The following KAZN variants were observed in gnomAD, a reference collection of about 807,000 sequenced individuals.
KAZN encodes kazrin.
Under a neutral mutation model 87.4 loss-of-function variants are expected in KAZN, and 40 were observed. The ratio of observed to expected loss-of-function variants is 0.46; its 90% CI spans 0.36 to 0.60. The LOEUF (loss-of-function observed/expected upper bound fraction) is 0.60, where lower values mean the gene tolerates loss of function less well. Among genes scored for constraint, KAZN ranks in the 20% least tolerant of loss-of-function variants. The pLI is 0.00. For synonymous variants in KAZN, 466 were observed against 458.3 expected (o/e 1.02, Z -0.22); for missense variants, 898 against 1,073.9 (o/e 0.84, Z 2.29).
intron 2 of KAZN, among the ~76,000 whole-genome samples, chr1:15,033,627 T>C (rs1671957690): frequency 6.6e-6 from 1 of 152,236 alleles, no homozygotes; most frequent in Non-Finnish European, 1.5e-5. Flanking sequence ...TGTGAAGTGG[T>C]ATTTCATTGT....
intron 2 of KAZN, among the ~76,000 whole-genome samples, chr1:14,512,963 G>A (rs566143261): frequency 2.6e-5 from 4 of 152,300 alleles, no homozygotes; most frequent in Non-Finnish European, 4.4e-5. Context: ...AGTTTAGAGT[G>A]CATTCCCTTA....
intron 1 of KAZN, among the ~76,000 whole-genome samples, chr1:14,108,997 G>A (rs1644440260): frequency 6.6e-6 from 1 of 152,220 alleles, no homozygotes; most frequent in East Asian, 1.9e-4. Context: ...GACTCAGAAT[G>A]CACAGGCTGA....
chr1:14,661,126 A>T (rs962752838), intron 1 of KAZN, among the ~76,000 whole-genome samples: 2 of 152,112 alleles, frequency 1.3e-5, no homozygotes, highest in Non-Finnish European at 2.9e-5. Flanking sequence ...TGTGAGGGAG[A>T]TGGTGCTCTT....
At position 15,066,206 on chromosome 1, in the gene KAZN, T is replaced by C. The variant is rs1348117658; in HGVS notation, c.1222+453T>C. 3 of 993,746 alleles carry C rather than the reference T, an allele frequency of 3.0e-6. No homozygotes were observed. The highest frequency in any genetic ancestry group is 3.6e-6 in the Non-Finnish European group (3 of 835,766). The allele number at this position is 993,746 out of a possible 1,614,324, so 61.6% of individuals were successfully genotyped here. ...CCTCCTTTTTATGAAACTTGAAAACTTGAAGGACTGCTGTGTATTTGTAAA... is the reference window on the plus strand; with the variant it reads ...CCTCCTTTTTATGAAACTTGAAAACCTGAAGGACTGCTGTGTATTTGTAAA... On this transcript the variant is annotated intron_variant, in intron 8 of 14. Transcript: ENST00000376030. The surrounding 1 kb of genome is among the most constrained non-coding windows in gnomAD (Gnocchi z 4.3).
chr1:14,163,035 C>A (rs1645744804), intron 1 of KAZN, among the ~76,000 whole-genome samples: 1 of 151,870 alleles, frequency 6.6e-6, no homozygotes, highest in African/African-American at 2.4e-5. Flanking sequence ...TTATTAGTAG[C>A]AAGAAGAAAC....
chr1:14,985,290 G>A (rs979059803), intron 2 of KAZN, among the ~76,000 whole-genome samples: 1 of 143,006 alleles, frequency 7.0e-6, no homozygotes, highest in South Asian at 2.1e-4. Context: ...GCCAAGGTGG[G>A]AGGCCAAGGT....
chr1:14,083,224 C>T (rs1389346646), intron 1 of KAZN, among the ~76,000 whole-genome samples: 1 of 152,214 alleles, frequency 6.6e-6, no homozygotes, highest in Non-Finnish European at 1.5e-5. Flanking sequence ...CTTGATTGTT[C>T]TGTACATAGA....
chr1:14,375,401 C>T (rs897093190), intron 2 of KAZN, among the ~76,000 whole-genome samples: 1 of 152,038 alleles, frequency 6.6e-6, no homozygotes, highest in Non-Finnish European at 1.5e-5. Flanking sequence ...TCACCCAAGC[C>T]CGAGATAAAA....
chr1:14,590,623 C>A (rs1226973991), intron 2 of KAZN, among the ~76,000 whole-genome samples: 1 of 152,140 alleles, frequency 6.6e-6, no homozygotes, highest in Non-Finnish European at 1.5e-5. Flanking sequence ...AATGGTTGAG[C>A]AAACTGGCAG....
At chr1:14,295,509 C>T (rs373116018) in intron 2 of KAZN, among the ~76,000 whole-genome samples, 33 of 152,162 alleles carry the variant, frequency 2.2e-4, no homozygotes, top group East Asian at 3.9e-4. Context: ...CTCAGAGATA[C>T]GCACCAAAGA....
chr1:14,706,998 T>G (rs966716078), intron 1 of KAZN, among the ~76,000 whole-genome samples: 4 of 152,228 alleles, frequency 2.6e-5, no homozygotes, highest in Non-Finnish European at 5.9e-5. Flanking sequence ...TTTGTTACCA[T>G]GCTCTTGTCT....
chr1:14,344,925 T>A (rs897887961), intron 2 of KAZN, among the ~76,000 whole-genome samples: 2 of 151,814 alleles, frequency 1.3e-5, no homozygotes, highest in Non-Finnish European at 2.9e-5. Flanking sequence ...TTCTTTTTTT[T>A]TTTTTTTCCT....
chr1:14,051,785 A>G (rs1000251024), intron 1 of KAZN, among the ~76,000 whole-genome samples: 9 of 152,166 alleles, frequency 5.9e-5, no homozygotes, highest in Admixed American at 2.0e-4. Context: ...GGTTGCAATG[A>G]GCCGAGATTG....
At chr1:14,627,627 G>C (rs957699353) in intron 1 of KAZN, among the ~76,000 whole-genome samples, 1 of 152,216 alleles carries the variant, frequency 6.6e-6, no homozygotes, top group Non-Finnish European at 1.5e-5. Context: ...GCTTAGCACA[G>C]TGCCTGCCTT....
At chr1:14,247,180 G>A (rs1649593220) in intron 2 of KAZN, among the ~76,000 whole-genome samples, 1 of 151,980 alleles carries the variant, frequency 6.6e-6, no homozygotes, top group Admixed American at 6.5e-5. Context: ...TTAAAAATAC[G>A]GATTTTTAAA....
chr1:14,760,756 C>T (rs759514452), intron 1 of KAZN, among the ~76,000 whole-genome samples: 1 of 152,066 alleles, frequency 6.6e-6, no homozygotes, highest in Admixed American at 6.5e-5. Context: ...GAGTTTGAGC[C>T]CAGCCTGGAC....
chr1:14,834,877 C>G (rs1038449315), intron 1 of KAZN, among the ~76,000 whole-genome samples: 3 of 152,086 alleles, frequency 2.0e-5, no homozygotes, highest in African/African-American at 4.8e-5. Flanking sequence ...AACACTGAGT[C>G]TGGATTCAGT....
chr1:14,883,318 A>AAGAAAGAGAGAG (rs1266778797), intron 1 of KAZN, among the ~76,000 whole-genome samples: 3 of 38,592 alleles, frequency 7.8e-5, no homozygotes, highest in African/African-American at 2.3e-4. Context: ...GAAAGAAAGA[A>AAGAAAGAGAGAG]AGAGAGAGAG....
intron 2 of KAZN, among the ~76,000 whole-genome samples, chr1:14,378,324 G>A (rs1201723188): frequency 6.6e-6 from 1 of 151,728 alleles, no homozygotes; most frequent in Non-Finnish European, 1.5e-5. Context: ...AAAGTAAACG[G>A]GAGGAGGAGC....
Sources: allele counts gnomAD v4.1 joint callset (sites outside exome capture counted in the v4.1 genomes callset), GRCh38; gene constraint gnomAD v4.1.1; non-coding constraint Gnocchi (gnomAD v3.1); transcripts MANE v1.5; gene names NCBI Gene and HGNC (gene_info 2026-07-23, HGNC 2026-07-21).